NAV3: variants seen among roughly 807,000 people sequenced by gnomAD.
NAV3 encodes the protein neuron navigator 3, also known as pore membrane and/or filament interacting like protein 1.
A neutral mutation model predicts 244.7 loss-of-function variants in NAV3; 87 were observed. The ratio of observed to expected loss-of-function variants is 0.36; its 90% CI spans 0.30 to 0.42. NAV3 has a LOEUF of 0.42. Among genes scored for constraint, NAV3 ranks in the 20% least tolerant of loss-of-function variants. The probability of loss-of-function intolerance (pLI) is 1.00; values close to 1 mark genes in which losing one functional copy is unlikely to be tolerated. For missense variants in NAV3, 2,663 were observed against 2,893.3 expected (o/e 0.92, Z 1.83); for synonymous variants, 1,126 against 1,042.2 (o/e 1.08, Z -1.55).
intron 1 of NAV3, among the ~76,000 whole-genome samples, chr12:77,899,290 G>T: frequency 6.6e-6 from 1 of 152,200 alleles, no homozygotes; most frequent in East Asian, 1.9e-4. Context: ...TGGGTAAAAT[G>T]CTATCCAACA....
chr12:77,795,815 A>G (rs1439155769), intron 2 of NAV3, among the ~76,000 whole-genome samples: 1 of 152,174 alleles, frequency 6.6e-6, no homozygotes, highest in East Asian at 1.9e-4. Flanking sequence ...CCTGTGCTCT[A>G]TAAATAGAAC....
chr12:78,177,756 T>C, intron 28 of NAV3, 71 bp downstream of exon 28: 1 of 1,375,334 alleles, frequency 7.3e-7, no homozygotes, highest in Non-Finnish European at 1.0e-6. Context: ...TGCTTTTGCT[T>C]TTTCTAAAAT....
At chr12:77,801,904 A>G (rs2135972882) in intron 2 of NAV3, among the ~76,000 whole-genome samples, 2 of 152,288 alleles carry the variant, frequency 1.3e-5, no homozygotes, top group East Asian at 3.9e-4. Flanking sequence ...CCTTTCAGTT[A>G]CTAAGCTGAT....
intron 1 of NAV3, among the ~76,000 whole-genome samples, chr12:77,935,783 C>T (rs1889265516): frequency 1.3e-5 from 2 of 152,138 alleles, no homozygotes; most frequent in African/African-American, 4.8e-5. Context: ...AGGAAACTTA[C>T]AGTCATGGTG....
intron 2 of NAV3, among the ~76,000 whole-genome samples, chr12:77,751,683 T>C (rs1448887201): frequency 6.6e-6 from 1 of 152,254 alleles, no homozygotes; most frequent in African/African-American, 2.4e-5. Context: ...GTCTCAGTTA[T>C]GTCTTTATTA....
chr12:77,803,244 A>G (rs1177951000), intron 2 of NAV3, among the ~76,000 whole-genome samples: 1 of 152,058 alleles, frequency 6.6e-6, no homozygotes, highest in Non-Finnish European at 1.5e-5. Flanking sequence ...CATCATTTAC[A>G]TTAGGTATTT....
intron 9 of NAV3, among the ~76,000 whole-genome samples, chr12:78,033,387 C>T (rs1276761997): frequency 6.6e-6 from 1 of 152,048 alleles, no homozygotes; most frequent in Non-Finnish European, 1.5e-5. Context: ...ATAGCTATAA[C>T]TTATTTTAGG....
intron 1 of NAV3, among the ~76,000 whole-genome samples, chr12:77,921,110 C>T (rs1887670509): frequency 6.6e-6 from 1 of 152,004 alleles, no homozygotes; most frequent in Admixed American, 6.6e-5. Context: ...AAATATTCAA[C>T]AGACTTTGTC....
intron 5 of NAV3, among the ~76,000 whole-genome samples, chr12:77,990,084 T>C (rs1391415924): frequency 6.6e-6 from 1 of 152,152 alleles, no homozygotes; most frequent in East Asian, 1.9e-4. Flanking sequence ...TTAATATGCT[T>C]CCAATGTTAT....
chr12:77,776,613 A>G (rs1218766601), intron 2 of NAV3, among the ~76,000 whole-genome samples: 2 of 152,210 alleles, frequency 1.3e-5, no homozygotes, highest in Admixed American at 6.5e-5. Flanking sequence ...AAAACACAGT[A>G]CTATCTAGGC....
intron 2 of NAV3, among the ~76,000 whole-genome samples, chr12:77,781,228 G>A (rs1223291029): frequency 6.6e-6 from 1 of 152,134 alleles, no homozygotes; most frequent in Non-Finnish European, 1.5e-5. Context: ...GCATTCCAAA[G>A]TTAGCCTGAA....
At chr12:77,810,462 C>A (rs1026143492) in intron 2 of NAV3, among the ~76,000 whole-genome samples, 1 of 152,124 alleles carries the variant, frequency 6.6e-6, no homozygotes, top group African/African-American at 2.4e-5. Flanking sequence ...TGAGCCACAG[C>A]GCCTGACCCC....
At chr12:77,801,431 A>G (rs1871697335) in intron 2 of NAV3, among the ~76,000 whole-genome samples, 2 of 152,060 alleles carry the variant, frequency 1.3e-5, no homozygotes, top group South Asian at 2.1e-4. Context: ...TCTCTCTCAC[A>G]CTATACATGC....
intron 2 of NAV3, among the ~76,000 whole-genome samples, chr12:77,651,782 G>T (rs561525905): frequency 1.3e-5 from 2 of 152,322 alleles, no homozygotes; most frequent in South Asian, 4.1e-4. Context: ...GGTAACTCAT[G>T]TAATAGAAGT....
rs201054677 is a variant in NAV3 at position 77,621,476 on chromosome 12, TC to T, written c.72+49211del. Among the ~76,000 whole-genome samples the T allele has an allele frequency of 2.2e-3, 318 of 143,334 alleles. 10 individuals are homozygous for T. The highest frequency in any genetic ancestry group is 7.6e-3 in the African/African-American group (276 of 36,508). The allele number at this position is 143,334 out of a possible 152,430, so 94.0% of individuals were successfully genotyped here. A position where few individuals can be genotyped will look rare whatever the true frequency, so the allele number is the denominator to read the frequency against. On this transcript the variant is annotated intron_variant, in intron 2 of 8. Coordinates refer to the NAV3 transcript ENST00000550042. Reference sequence around the variant, plus strand: ...AACTCTACCTCTTTTTTTTCTCTTCTCTTTTTTTTTTTTTTTTGCTTTGAGA... The same window carrying T: ...AACTCTACCTCTTTTTTTTCTCTTCTTTTTTTTTTTTTTTTTGCTTTGAGA...
chr12:77,906,028 A>T (rs571868199), intron 1 of NAV3, among the ~76,000 whole-genome samples: 1 of 152,234 alleles, frequency 6.6e-6, no homozygotes, highest in Admixed American at 6.6e-5. Flanking sequence ...GATCTAAGCT[A>T]TACCAATTCC....
At chr12:77,857,125 TG>T (rs1176870303) in intron 1 of NAV3, among the ~76,000 whole-genome samples, 1 of 152,102 alleles carries the variant, frequency 6.6e-6, no homozygotes, top group Non-Finnish European at 1.5e-5. Flanking sequence ...GCATGAAAGT[TG>T]GAATCCAACT....
chr12:77,951,159 C>T (rs936074741), intron 3 of NAV3, among the ~76,000 whole-genome samples: 2 of 152,126 alleles, frequency 1.3e-5, no homozygotes, highest in Non-Finnish European at 2.9e-5. Flanking sequence ...AAAAGTTTTG[C>T]AATCTACTCA....
At chr12:77,591,474 A>G (rs953152892) in intron 2 of NAV3, among the ~76,000 whole-genome samples, 2 of 152,216 alleles carry the variant, frequency 1.3e-5, no homozygotes, top group African/African-American at 4.8e-5. Flanking sequence ...TGTATAAAAT[A>G]TACAGTTCAT....
Sources: gnomAD v4.1 joint callset for allele counts (sites outside exome capture counted in the v4.1 genomes callset) on GRCh38, gnomAD v4.1.1 for gene constraint, MANE v1.5 for transcripts, NCBI Gene and HGNC (gene_info 2026-07-23, HGNC 2026-07-21) for gene names.